KIAA1549L: variants seen among roughly 807,000 people sequenced by gnomAD.
KIAA1549L encodes the protein KIAA1549 like, also known as UPF0606 protein KIAA1549L.
In KIAA1549L, 88 loss-of-function variants were observed where a neutral mutation model predicts 160.7. The ratio of observed to expected loss-of-function variants is 0.55; its 90% confidence interval spans 0.46 to 0.65. The LOEUF (loss-of-function observed/expected upper bound fraction) is 0.65. KIAA1549L is among the 30% of genes least tolerant of loss of function. KIAA1549L has a pLI of 0.00. For synonymous variants in KIAA1549L, 950 were observed against 976.7 expected (o/e 0.97, Z 0.51); for missense variants, 2,258 against 2,437.5 (o/e 0.93, Z 1.55).
intron 1 of KIAA1549L, among the ~76,000 whole-genome samples, chr11:33,489,579 G>T (rs1852609329): frequency 6.6e-6 from 1 of 152,174 alleles, no homozygotes; most frequent in Non-Finnish European, 1.5e-5. Context: ...GCTCCATGTA[G>T]TCATTCAGAG....
chr11:33,420,862 C>T (rs1037419566), intron 1 of KIAA1549L, among the ~76,000 whole-genome samples: 13 of 152,110 alleles, frequency 8.5e-5, no homozygotes, highest in Non-Finnish European at 1.6e-4. Context: ...TGTCTGCAAT[C>T]ATCACATTTT....
chr11:33,511,454 A>G (rs1853225524), intron 1 of KIAA1549L, among the ~76,000 whole-genome samples: 1 of 152,210 alleles, frequency 6.6e-6, no homozygotes, highest in Non-Finnish European at 1.5e-5. Context: ...CCCTCAGTAA[A>G]ATTAATTCCT....
chr11:33,412,436 C>T (rs1850803294), intron 1 of KIAA1549L, among the ~76,000 whole-genome samples: 1 of 152,186 alleles, frequency 6.6e-6, no homozygotes, highest in South Asian at 2.1e-4. Flanking sequence ...GAGGCATTCC[C>T]TGAATTACTA....
Position 33,607,163 on chromosome 11 carries a change from A to G in KIAA1549L, c.5061+341A>G, listed in dbSNP as rs531698034. ...TCTTGGTGACACTCCTAAACTGTCC[A>G]TTGTGGGATGTTGCTTGTAGTGGGG... On this transcript the variant is annotated intron_variant, in intron 14 of 20. Coordinates refer to ENST00000658780, the MANE Select transcript of KIAA1549L (RefSeq NM_012194.3). 9.2e-5 allele frequency among the ~76,000 whole-genome samples: 14 copies of G among 152,292 alleles called. No individual in the cohort carries two copies. In the South Asian group the frequency reaches 2.3e-3, roughly 25 times the overall value.
chr11:33,658,787 G>A lies in KIAA1549L; in HGVS notation c.5896G>A (p.Glu1966Lys), dbSNP rs202122987. 1,401 of 1,570,154 alleles carry A rather than the reference G, an allele frequency of 8.9e-4. 1 individual carries two copies. Among genetic ancestry groups the A allele is most frequent in the Middle Eastern group, 3.2e-3 (19 of 6,002 alleles). ...SDIGSKTRMA[E>K]STGPEPAQLH... ...CATCGGCAGCAAGACCAGAATGGCC[G>A]AGTCTACAGGGCCCGAGCCGGCCCA... Residue 1966 changes from glutamate (E) to lysine (K), a missense_variant, in exon 19 of 21, where the codon GAG (glutamate) becomes AAG (lysine). Glu to Lys is a moderately conservative substitution (Grantham distance 56, BLOSUM62 1). Transcript: ENST00000658780.
intron 1 of KIAA1549L, among the ~76,000 whole-genome samples, chr11:33,442,160 C>G (rs1222643898): frequency 2.0e-5 from 3 of 152,094 alleles, no homozygotes; most frequent in Non-Finnish European, 4.4e-5. Flanking sequence ...TTTCCCAGCA[C>G]CATTTATTAA....
At chr11:33,430,764 G>A (rs541247056) in intron 1 of KIAA1549L, among the ~76,000 whole-genome samples, 10 of 152,296 alleles carry the variant, frequency 6.6e-5, no homozygotes, top group African/African-American at 2.4e-4. Context: ...AGCCCTGGGA[G>A]GGCAGGAGGT....
chr11:33,657,925 T>TG (rs1852123803), intron 18 of KIAA1549L, among the ~76,000 whole-genome samples: 1 of 152,342 alleles, frequency 6.6e-6, no homozygotes, highest in East Asian at 1.9e-4. Context: ...GGTGGCCCTG[T>TG]GGGGGGCCAG....
intron 1 of KIAA1549L, among the ~76,000 whole-genome samples, chr11:33,413,804 A>G (rs1850831948): frequency 1.3e-5 from 2 of 152,228 alleles, no homozygotes; most frequent in South Asian, 4.1e-4. Context: ...GTGGACTTCT[A>G]TAGCACACCG....
At chr11:33,414,589 C>T (rs935453494) in intron 1 of KIAA1549L, among the ~76,000 whole-genome samples, 4 of 152,146 alleles carry the variant, frequency 2.6e-5, no homozygotes, top group East Asian at 1.9e-4. Flanking sequence ...AATTATCTTC[C>T]GTTAAGTATA....
intron 4 of KIAA1549L, among the ~76,000 whole-genome samples, chr11:33,549,499 T>A (rs1220850445): frequency 1.3e-5 from 2 of 152,162 alleles, no homozygotes; most frequent in Non-Finnish European, 2.9e-5. Context: ...TTTAGTTGAT[T>A]TAGTGTTGTC....
chr11:33,460,197 C>T (rs1360149230), intron 1 of KIAA1549L, among the ~76,000 whole-genome samples: 1 of 152,174 alleles, frequency 6.6e-6, no homozygotes, highest in East Asian at 1.9e-4. Flanking sequence ...CCCAAATGCT[C>T]GCTGGCCTCT....
At chr11:33,604,812 G>T (rs1462289813) in intron 13 of KIAA1549L, among the ~76,000 whole-genome samples, 1 of 152,080 alleles carries the variant, frequency 6.6e-6, no homozygotes, top group East Asian at 1.9e-4. Flanking sequence ...GAGGGTGAGG[G>T]GGGAGTGAGG....
intron 15 of KIAA1549L, among the ~76,000 whole-genome samples, chr11:33,613,465 G>T (rs1345098700): frequency 6.6e-6 from 1 of 152,190 alleles, no homozygotes; most frequent in Non-Finnish European, 1.5e-5. Flanking sequence ...CAGTTCTGCA[G>T]GCTGTGGAAG....
intron 1 of KIAA1549L, among the ~76,000 whole-genome samples, chr11:33,435,800 A>ATGTGTGTGTGTGTG (rs1309350867): frequency 1.6e-4 from 2 of 12,888 alleles, no homozygotes; most frequent in African/African-American, 2.9e-4. Context: ...ATATATATAT[A>ATGTGTGTGTGTGTG]TATATATATA....
intron 1 of KIAA1549L, among the ~76,000 whole-genome samples, chr11:33,434,254 C>T (rs1314628734): frequency 6.6e-6 from 1 of 152,140 alleles, no homozygotes; most frequent in Non-Finnish European, 1.5e-5. Context: ...GAATAAGTCT[C>T]ATGAGATCTG....
intron 9 of KIAA1549L, 72 bp from the exon 10 acceptor site, chr11:33,574,627 TCTG>T: frequency 1.4e-6 from 2 of 1,396,534 alleles, no homozygotes; most frequent in Non-Finnish European, 2.0e-6. Context: ...GAGAGGAACA[TCTG>T]CTGATCACCT....
At chr11:33,471,737 C>T (rs1852182195) in intron 1 of KIAA1549L, among the ~76,000 whole-genome samples, 2 of 152,206 alleles carry the variant, frequency 1.3e-5, no homozygotes, top group South Asian at 4.1e-4. Context: ...TGTTGACTCA[C>T]AGCAAAATCT....
chr11:33,516,655 G>C (rs918466312), intron 1 of KIAA1549L, among the ~76,000 whole-genome samples: 1 of 152,158 alleles, frequency 6.6e-6, no homozygotes, highest in Non-Finnish European at 1.5e-5. Flanking sequence ...TCCCTCCTCT[G>C]CCTTTTTCTT....
Sources: allele counts gnomAD v4.1 joint callset (sites outside exome capture counted in the v4.1 genomes callset), GRCh38; gene constraint gnomAD v4.1.1; transcripts MANE v1.5; gene names NCBI Gene and HGNC (gene_info 2026-07-23, HGNC 2026-07-21).